The following FGR variants were observed in gnomAD, a reference collection of about 807,000 sequenced individuals.
The protein encoded by FGR is tyrosine-protein kinase Fgr.
Under a neutral mutation model 63.2 loss-of-function variants are expected in FGR, and 26 were observed. The ratio of observed to expected loss-of-function variants is 0.41; its 90% CI spans 0.30 to 0.57. The LOEUF (loss-of-function observed/expected upper bound fraction) is 0.57, where lower values mean the gene tolerates loss of function less well. Among genes scored for constraint, FGR ranks in the 20% least tolerant of loss-of-function variants. FGR has a pLI of 0.27. For missense variants in FGR, 511 were observed against 690.8 expected (o/e 0.74, Z 2.92); for synonymous variants, 286 against 277.7 (o/e 1.03, Z -0.30).
In FGR at chr1:27,620,846, C is replaced by T. The variant is rs1409658116; in HGVS notation, c.428+713G>A. Among the ~76,000 whole-genome samples the T allele has an allele frequency of 7.5e-5, 11 of 145,914 alleles. No homozygotes were observed. The East Asian group carries it at 1.8e-3, about 24-fold the overall frequency. ...TTCAAGACCAGCCTGGGCAATATGG[C>T]GAAACACCATCTCTACTTAAAAAAA... On this transcript the variant is annotated intron_variant, in intron 5 of 12. Transcript: ENST00000374005.
At chr1:27,632,987 C>T (rs1471262037) in intron 1 of FGR, among the ~76,000 whole-genome samples, 2 of 152,148 alleles carry the variant, frequency 1.3e-5, no homozygotes, top group South Asian at 2.1e-4. Context: ...CCACATCAGC[C>T]CCAGGTGGCT....
intron 1 of FGR, among the ~76,000 whole-genome samples, chr1:27,630,076 G>A (rs1281906465): frequency 1.3e-5 from 2 of 151,770 alleles, no homozygotes; most frequent in African/African-American, 2.4e-5. Flanking sequence ...TTTTTGAGAC[G>A]GGGTCTCACT....
At chr1:27,614,803 G>T in intron 10 of FGR, 47 bp downstream of exon 10, 1 of 1,519,420 alleles carries the variant, frequency 6.6e-7, no homozygotes, top group East Asian at 2.4e-5. Context: ...TTTGTGAACA[G>T]TTAATAGGTG....
chr1:27,612,896 G>A lies in FGR; in HGVS notation c.*18C>T. 6.2e-7 allele frequency: 1 copy of A among 1,607,640 alleles called. No homozygotes were observed. Among genetic ancestry groups the A allele is most frequent in the Non-Finnish European group, 8.5e-7 (1 of 1,176,002 alleles). ...AGGACTGGTGGCCACCGCCAGAGAGGGTTGATGCCCGGACAGGCTATGTCT... is the reference window on the plus strand; with the variant it reads ...AGGACTGGTGGCCACCGCCAGAGAGAGTTGATGCCCGGACAGGCTATGTCT... On this transcript the variant is annotated 3_prime_UTR_variant, in exon 13 of 13. Coordinates refer to ENST00000374005, the MANE Select transcript of FGR (RefSeq NM_005248.3).
intron 1 of FGR, chr1:27,626,058 C>T: frequency 2.5e-6 from 1 of 398,804 alleles, no homozygotes; most frequent in Non-Finnish European, 4.4e-6. Flanking sequence ...CCGGAGCTCT[C>T]CTCCTATCCC....
chr1:27,628,024 G>A (rs1195324755), intron 1 of FGR, among the ~76,000 whole-genome samples: 1 of 152,078 alleles, frequency 6.6e-6, no homozygotes, highest in Non-Finnish European at 1.5e-5. Flanking sequence ...GGAAGCCAAG[G>A]CAAGAGGATT....
intron 1 of FGR, among the ~76,000 whole-genome samples, chr1:27,627,447 AACAC>A (rs3076985): frequency 0.02 from 3,015 of 147,146 alleles, 71 homozygotes; most frequent in African/African-American, 0.056. Flanking sequence ...CATGCACATG[AACAC>A]ACACACACAC....
At chr1:27,622,795 T>C (rs1453066704) in intron 4 of FGR, among the ~76,000 whole-genome samples, 1 of 152,252 alleles carries the variant, frequency 6.6e-6, no homozygotes, top group Non-Finnish European at 1.5e-5. Context: ...CATGAGCCAC[T>C]GCACCCGGCC....
chr1:27,628,489 A>C, intron 1 of FGR, among the ~76,000 whole-genome samples: 1 of 144,034 alleles, frequency 6.9e-6, no homozygotes, highest in Non-Finnish European at 1.5e-5. Flanking sequence ...ATGCCCCCAC[A>C]CTGTCCCCCC....
At chr1:27,633,021 T>A (rs1386863177) in intron 1 of FGR, among the ~76,000 whole-genome samples, 1 of 152,006 alleles carries the variant, frequency 6.6e-6, no homozygotes, top group Non-Finnish European at 1.5e-5. Context: ...AAACATCCAC[T>A]CATATGCTCA....
intron 4 of FGR, among the ~76,000 whole-genome samples, chr1:27,622,173 C>T (rs1220748495): frequency 3.3e-5 from 5 of 150,928 alleles, no homozygotes; most frequent in Non-Finnish European, 7.4e-5. Flanking sequence ...ATTAGCCAGG[C>T]TTGGTGGCTC....
chr1:27,614,895 C>T lies in FGR; in HGVS notation c.1050G>A (p.Glu350=), dbSNP rs948716952. The change falls in exon 10 of 13, where the codon GAG becomes GAA. Residue 350 remains glutamate (E), a synonymous_variant. Transcript: ENST00000374005. The part of the protein sequence containing the change: ...GSLLDFLKNP[E]GQDLRLPQLV... ...ATTGGGGCAGCCTCAAATCCTGGCC[C>T]TCTGGGTTCTTGAGAAAATCCAGCA... 6.3e-7 allele frequency: 1 copy of T among 1,599,618 alleles called. No individual in the cohort carries two copies. The highest frequency in any genetic ancestry group is 8.5e-7 in the Non-Finnish European group (1 of 1,172,038).
At chr1:27,614,651 G>A in intron 10 of FGR, 68 bp from the exon 11 acceptor site, 1 of 1,565,792 alleles carries the variant, frequency 6.4e-7, no homozygotes. Flanking sequence ...TGTTTGAGGG[G>A]TGAGGGACCA....
chr1:27,616,795 G>C lies in FGR; in HGVS notation c.682+62C>G. On this transcript the variant is annotated intron_variant, in intron 7 of 12. Transcript: ENST00000374005. This position sits in a 1 kb window ranked among gnomAD's most constrained non-coding sequence, Gnocchi z 4.3. ...AGTCCCTTCCCTTCTCTGGGCCTCAGTTCCCCCATCTGGACAATGCTTCAG... is the reference window on the plus strand; with the variant it reads ...AGTCCCTTCCCTTCTCTGGGCCTCACTTCCCCCATCTGGACAATGCTTCAG... 6.4e-7 allele frequency: 1 copy of C among 1,573,728 alleles called. No individual in the cohort carries two copies. Among genetic ancestry groups the C allele is most frequent in the Non-Finnish European group, 8.7e-7 (1 of 1,144,548 alleles).
chr1:27,632,140 CTTT>C (rs71739634), intron 1 of FGR, among the ~76,000 whole-genome samples: 4,941 of 140,050 alleles, frequency 0.035, 498 homozygotes, highest in East Asian at 0.34. Context: ...TCTTCTTCTT[CTTT>C]TTTTTTTTTT....
At position 27,616,886 on chromosome 1, in the gene FGR, G is replaced by C; in HGVS notation, c.653C>G (p.Ser218Trp). ...YYITTRVQFN[S>W]VQELVQHYME... ...GTAGTGCTGCACCAGCTCCTGCACC[G>C]AGTTGAACTGAACCCGTGTGGTGAT... The change falls in exon 7 of 13, where the codon TCG (serine) becomes TGG (tryptophan). Residue 218 changes from serine (S) to tryptophan (W), a missense_variant. By Grantham distance (177) the Ser-to-Trp change is radical (BLOSUM62 -3). Coordinates refer to ENST00000374005, the MANE Select transcript of FGR (RefSeq NM_005248.3). The surrounding 1 kb of genome is among the most constrained non-coding windows in gnomAD (Gnocchi z 4.3). 6.2e-7 allele frequency: 1 copy of C among 1,614,168 alleles called. No individual in the cohort carries two copies. Among genetic ancestry groups the C allele is most frequent in the Non-Finnish European group, 8.5e-7 (1 of 1,180,028 alleles).
In FGR at chr1:27,615,024, C is replaced by T. The variant is rs1304328910; in HGVS notation, c.1019-98G>A. 2 of 960,292 alleles carry T rather than the reference C, an allele frequency of 2.1e-6. No individual in the cohort carries two copies. The highest frequency in any genetic ancestry group is 1.4e-5 in the South Asian group (1 of 69,368). 59.5% of individuals were successfully genotyped at this position (960,292 alleles called of 1,614,324 possible). On this transcript the variant is annotated intron_variant, in intron 9 of 12. Transcript: ENST00000374005. This position sits in a 1 kb window ranked among gnomAD's most constrained non-coding sequence, Gnocchi z 7.6. ...CGCCCCTCAGCCCCTCCCACCTGGA[C>T]CCGCCCCTCACTTAGGACCCCGCGG... is the stretch of plus-strand genomic sequence containing the variant.
In FGR at chr1:27,630,200, G is replaced by A. The variant is rs765417815; in HGVS notation, c.-77+4865C>T. Among the ~76,000 whole-genome samples the A allele has an allele frequency of 3.3e-5, 5 of 152,006 alleles. 1 individual carries two copies. The highest frequency in any genetic ancestry group is 9.6e-5 in the African/African-American group (4 of 41,464). ...CCTGAGTAGCTGGGACTACAGGCGC[G>A]CTGCCAACACGCCTGGCTAATTTTT... On this transcript the variant is annotated intron_variant, in intron 1 of 12. Coordinates refer to ENST00000374005, the MANE Select transcript of FGR (RefSeq NM_005248.3).
At chr1:27,634,118 A>C (rs1470064512) in intron 1 of FGR, among the ~76,000 whole-genome samples, 1 of 135,668 alleles carries the variant, frequency 7.4e-6, no homozygotes, top group Admixed American at 7.3e-5. Context: ...GAGGATTCCA[A>C]AAGGGGGCGA....
Sources: allele counts gnomAD v4.1 joint callset (sites outside exome capture counted in the v4.1 genomes callset), GRCh38; gene constraint gnomAD v4.1.1; non-coding constraint Gnocchi (gnomAD v3.1); transcripts MANE v1.5; gene names NCBI Gene and HGNC (gene_info 2026-07-23, HGNC 2026-07-21).